The following IBTK variants were observed in gnomAD, a reference collection of about 807,000 sequenced individuals.
The protein encoded by IBTK is BTK-binding protein.
Under a neutral mutation model 154.9 loss-of-function variants are expected in IBTK, and 83 were observed. The observed-to-expected ratio is 0.54, with a 90% CI of 0.45 to 0.64. The LOEUF (loss-of-function observed/expected upper bound fraction) is 0.64. IBTK is among the 30% of genes least tolerant of loss of function. IBTK has a pLI of 0.00. For synonymous variants in IBTK, 515 were observed against 536.1 expected, an observed-to-expected ratio of 0.96 and a Z score of 0.54; for missense variants, 1,332 against 1,584.6, an observed-to-expected ratio of 0.84 and a Z score of 2.71.
intron 6 of IBTK, 100 bp from the exon 7 acceptor site, chr6:82,224,285 G>T: frequency 1.2e-6 from 1 of 815,680 alleles, no homozygotes; most frequent in Non-Finnish European, 2.1e-6. Context: ...TATACTTGCT[G>T]TTAGTGGTCC....
rs1159803328 is a variant in IBTK at position 82,200,219 on chromosome 6, T to C, written c.2947A>G (p.Lys983Glu). The C allele has an allele frequency of 4.3e-6, 7 of 1,613,806 alleles. No homozygotes were observed. Among genetic ancestry groups the C allele is most frequent in the Non-Finnish European group, 5.9e-6 (7 of 1,179,818 alleles). ...TCTGAACGTTTACGTGGCTTCTTTT[T>C]AGCTTTTGTTTTTGCTTTCTTGAAC... ...TMFKKAKTKA[K>E]KKPRKRSDSS... is the part of the protein sequence containing the mutation. Residue 983 changes from lysine (K) to glutamate (E), a missense_variant, in exon 21 of 29, where the codon AAA becomes GAA. By Grantham distance (56) the Lys-to-Glu change is moderately conservative. Coordinates refer to ENST00000306270, the MANE Select transcript of IBTK (RefSeq NM_015525.4).
intron 26 of IBTK, among the ~76,000 whole-genome samples, chr6:82,181,542 G>A (rs1242909510): frequency 6.6e-6 from 1 of 152,138 alleles, no homozygotes; most frequent in Non-Finnish European, 1.5e-5. Flanking sequence ...AAGGAAGAGA[G>A]GAAGGGATTA....
At chr6:82,244,744 G>A (rs1030592664) in intron 1 of IBTK, among the ~76,000 whole-genome samples, 1 of 152,068 alleles carries the variant, frequency 6.6e-6, no homozygotes, top group Non-Finnish European at 1.5e-5. Context: ...GGGGAAGAAA[G>A]CAAAGGAAAT....
At chr6:82,199,064 T>C (rs1266328525) in intron 21 of IBTK, among the ~76,000 whole-genome samples, 1 of 152,148 alleles carries the variant, frequency 6.6e-6, no homozygotes, top group African/African-American at 2.4e-5. Flanking sequence ...GGATATGAAG[T>C]ATAATACTAA....
At chr6:82,214,935 G>C (rs757135730) in intron 11 of IBTK, 106 bp from the exon 12 acceptor site, 17 of 1,201,732 alleles carry the variant, frequency 1.4e-5, no homozygotes, top group Non-Finnish European at 1.9e-5. Flanking sequence ...ACAATATTTA[G>C]AAAATTTTAA....
chr6:82,215,780 CAAA>C (rs59634766), intron 11 of IBTK, among the ~76,000 whole-genome samples: 1,106 of 82,064 alleles, frequency 0.013, 6 homozygotes, highest in Middle Eastern at 0.025. Flanking sequence ...GACTCCATCT[CAAA>C]AAAAAAAAAA....
At chr6:82,227,849 A>C (rs1256974062) in intron 4 of IBTK, among the ~76,000 whole-genome samples, 2 of 151,774 alleles carry the variant, frequency 1.3e-5, no homozygotes, top group Non-Finnish European at 2.9e-5. Context: ...AATTATTTTA[A>C]TAAATAATTT....
chr6:82,231,357 G>A (rs746094573), intron 4 of IBTK, among the ~76,000 whole-genome samples: 21 of 151,510 alleles, frequency 1.4e-4, no homozygotes, highest in Non-Finnish European at 2.8e-4. Flanking sequence ...ATAACACTGA[G>A]CTTCAACAAC....
intron 17 of IBTK, among the ~76,000 whole-genome samples, chr6:82,203,150 T>C (rs919440324): frequency 6.6e-6 from 1 of 152,140 alleles, no homozygotes; most frequent in African/African-American, 2.4e-5. Context: ...AGTATATAAA[T>C]ATATACATAT....
intron 1 of IBTK, among the ~76,000 whole-genome samples, chr6:82,244,218 T>C (rs2127831578): frequency 6.6e-6 from 1 of 152,376 alleles, no homozygotes; most frequent in East Asian, 1.9e-4. Flanking sequence ...TCATTACTAT[T>C]GTTTCTTCAG....
At chr6:82,199,120 G>T (rs1198801553) in intron 21 of IBTK, among the ~76,000 whole-genome samples, 1 of 152,102 alleles carries the variant, frequency 6.6e-6, no homozygotes, top group Non-Finnish European at 1.5e-5. Context: ...TAATGGTATT[G>T]TGGTTGTGTA....
chr6:82,190,751 T>C (rs185196511), intron 25 of IBTK, among the ~76,000 whole-genome samples: 23 of 152,088 alleles, frequency 1.5e-4, no homozygotes, highest in African/African-American at 5.5e-4. Flanking sequence ...AAATTTTAAA[T>C]CACTTTAGCA....
chr6:82,243,937 T>C (rs1332727939), intron 1 of IBTK, among the ~76,000 whole-genome samples: 2 of 152,172 alleles, frequency 1.3e-5, no homozygotes, highest in East Asian at 1.9e-4. Context: ...CATACTATCA[T>C]ATAGAGAAAG....
chr6:82,240,660 G>A lies in IBTK; in HGVS notation c.-174C>T. The A allele has an allele frequency of 1.9e-6, 1 of 519,792 alleles. No homozygotes were observed. The highest frequency in any genetic ancestry group is 3.3e-6 in the Non-Finnish European group (1 of 306,838). 32.2% of individuals were successfully genotyped at this position (519,792 alleles called of 1,614,324 possible). On this transcript the variant is annotated 5_prime_UTR_variant, in exon 2 of 29. Transcript: ENST00000306270. ...ACTATATATCTTTATACAATTTTTT[G>A]GCACTTAAATCAAAAAAATTATAAA...
chr6:82,243,288 A>C (rs904773742), intron 1 of IBTK, among the ~76,000 whole-genome samples: 4 of 152,116 alleles, frequency 2.6e-5, no homozygotes, highest in African/African-American at 9.7e-5. Flanking sequence ...AAAGGTACCA[A>C]TCGTCAAGTA....
At chr6:82,209,641 G>A (rs1304097861) in intron 16 of IBTK, among the ~76,000 whole-genome samples, 2 of 152,256 alleles carry the variant, frequency 1.3e-5, no homozygotes, top group Non-Finnish European at 2.9e-5. Context: ...ATTATACAGT[G>A]ATGATAGTTG....
intron 26 of IBTK, among the ~76,000 whole-genome samples, chr6:82,177,197 T>TTTG (rs149045065): frequency 6.9e-4 from 104 of 150,882 alleles, no homozygotes; most frequent in Admixed American, 1.8e-3. Context: ...TTCTTTTTGT[T>TTTG]TTGTTGTTGT....
At chr6:82,223,982 T>C (rs1482701283) in intron 7 of IBTK, 86 bp downstream of exon 7, 1 of 796,344 alleles carries the variant, frequency 1.3e-6, no homozygotes, top group Non-Finnish European at 2.1e-6. Flanking sequence ...CATAATCTCA[T>C]TCTAATCAAT....
rs776017896 is a variant in IBTK, at chr6:82,240,519, C to T, written c.-33G>A. 4 of 1,546,370 alleles carry T rather than the reference C, an allele frequency of 2.6e-6. No homozygotes were observed. The South Asian group carries it at 3.6e-5, about 14-fold the overall frequency. On this transcript the variant is annotated 5_prime_UTR_variant, in exon 2 of 29. Transcript: ENST00000306270. ...GTTTTTATACCACTTACTTCAGAAT[C>T]GTGAAAACTAATTTTAAAAAATGAA...
Sources: allele counts gnomAD v4.1 joint callset (sites outside exome capture counted in the v4.1 genomes callset), GRCh38; gene constraint gnomAD v4.1.1; transcripts MANE v1.5; gene names NCBI Gene and HGNC (gene_info 2026-07-23, HGNC 2026-07-21).